Variants in ADAM22 observed in about 807,000 individuals in gnomAD.
ADAM22 encodes the protein disintegrin and metalloproteinase domain-containing protein 22.
In ADAM22, 65 loss-of-function variants were observed where a neutral mutation model predicts 144.6. The observed-to-expected ratio is 0.45, with a 90% CI of 0.37 to 0.55. The LOEUF is 0.55. ADAM22 is among the 20% of genes least tolerant of loss of function. The probability of loss-of-function intolerance (pLI) is 0.00; values close to 1 mark genes in which losing one functional copy is unlikely to be tolerated. For missense variants in ADAM22, 974 were observed against 1,184.9 expected, an observed-to-expected ratio of 0.82 and a Z score of 2.61; for synonymous variants, 391 against 412.6, an observed-to-expected ratio of 0.95 and a Z score of 0.63.
chr7:88,195,341 A>C (rs1355787965), intron 31 of ADAM22, among the ~76,000 whole-genome samples: 1 of 152,116 alleles, frequency 6.6e-6, no homozygotes, highest in Non-Finnish European at 1.5e-5. Flanking sequence ...TTAGTCCATT[A>C]AGGTGATTGC....
At chr7:88,139,238 C>T (rs760106875) in intron 14 of ADAM22, among the ~76,000 whole-genome samples, 11 of 151,742 alleles carry the variant, frequency 7.2e-5, no homozygotes, top group Admixed American at 1.3e-4. Context: ...GCCAACATGG[C>T]GAAACCCCGT....
At chr7:88,039,498 G>A (rs1421786619) in intron 3 of ADAM22, among the ~76,000 whole-genome samples, 1 of 130,834 alleles carries the variant, frequency 7.6e-6, no homozygotes, top group Admixed American at 8.3e-5. Flanking sequence ...TTTCATGTAC[G>A]GTGGCTATAA....
chr7:88,151,263 T>C lies in ADAM22; in HGVS notation c.1624T>C (p.Cys542Arg), dbSNP rs775366535. 1 of 1,614,146 alleles carries C rather than the reference T, an allele frequency of 6.2e-7. No homozygotes were observed. Among genetic ancestry groups the C allele is most frequent in the South Asian group, 1.1e-5 (1 of 91,084 alleles). ...GYSCDGVQGI[C>R]FGGRCKTRDR... ...ATTTGCTTTTCCGTTTTAGGGAATT[T>C]GCTTTGGAGGAAGATGCAAAACCAG... The change falls in exon 20 of 32, where the codon TGC becomes CGC. Residue 542 changes from cysteine to arginine, a missense_variant. Around this residue, in one of 2 missense-constraint regions of ADAM22, gnomAD observed 734 missense variants for 950.6 expected, o/e 0.77. Transcript: ENST00000413139.
intron 3 of ADAM22, among the ~76,000 whole-genome samples, chr7:88,046,365 C>T (rs1804695163): frequency 6.6e-6 from 1 of 152,066 alleles, no homozygotes; most frequent in Admixed American, 6.6e-5. Flanking sequence ...ATTTGTATAT[C>T]TTCTTTGTAA....
intron 2 of ADAM22, among the ~76,000 whole-genome samples, chr7:87,967,807 C>CAATAA: frequency 1.6e-5 from 1 of 60,952 alleles, no homozygotes; most frequent in East Asian, 5.6e-4. Flanking sequence ...GACTCTGTCT[C>CAATAA]AAAAAAAAAA....
intron 3 of ADAM22, among the ~76,000 whole-genome samples, chr7:87,982,066 T>C (rs868135719): frequency 0.2 from 16,812 of 85,142 alleles, 1,284 homozygotes; most frequent in Middle Eastern, 0.25. Flanking sequence ...TATATATATA[T>C]ATACACACAC....
chr7:88,177,044 C>A (rs1217265415), intron 26 of ADAM22, among the ~76,000 whole-genome samples: 7 of 152,036 alleles, frequency 4.6e-5, no homozygotes, highest in Non-Finnish European at 8.8e-5. Flanking sequence ...GGATTACAGG[C>A]GTGAGCCACC....
chr7:88,162,709 AC>A (rs1246045806), intron 22 of ADAM22, among the ~76,000 whole-genome samples: 1 of 152,136 alleles, frequency 6.6e-6, no homozygotes, highest in Non-Finnish European at 1.5e-5. Flanking sequence ...CAAATTACAT[AC>A]TAGTAATAAT....
chr7:87,977,660 G>C (rs1246295006), intron 2 of ADAM22, among the ~76,000 whole-genome samples: 3 of 152,060 alleles, frequency 2.0e-5, no homozygotes, highest in Non-Finnish European at 4.4e-5. Flanking sequence ...TAGTGCTATG[G>C]GAAACACTAT....
intron 3 of ADAM22, among the ~76,000 whole-genome samples, chr7:88,061,379 G>C (rs1258277374): frequency 1.3e-5 from 2 of 152,074 alleles, no homozygotes; most frequent in Non-Finnish European, 2.9e-5. Context: ...ACTTTGCCCA[G>C]ATCCATCAGA....
chr7:88,103,514 ATT>A, intron 4 of ADAM22, among the ~76,000 whole-genome samples: 1 of 152,092 alleles, frequency 6.6e-6, no homozygotes, highest in South Asian at 2.1e-4. Context: ...ATAGAGGTAG[ATT>A]TTTTTTAGCT....
intron 2 of ADAM22, among the ~76,000 whole-genome samples, chr7:87,977,148 G>A (rs571675011): frequency 1.3e-5 from 2 of 152,180 alleles, no homozygotes; most frequent in Admixed American, 1.3e-4. Flanking sequence ...GAATGTGTTA[G>A]CAACAGAAGT....
chr7:87,979,097 G>A (rs1450275772), intron 3 of ADAM22, among the ~76,000 whole-genome samples: 2 of 152,128 alleles, frequency 1.3e-5, no homozygotes, highest in Non-Finnish European at 2.9e-5. Flanking sequence ...AGAGACCAGG[G>A]TTCTGCCAGG....
intron 3 of ADAM22, among the ~76,000 whole-genome samples, chr7:88,057,830 T>G (rs1328633524): frequency 1.3e-5 from 2 of 152,206 alleles, no homozygotes; most frequent in Admixed American, 1.3e-4. Flanking sequence ...TTTTAAGGAC[T>G]TACTGCTGGA....
At chr7:88,191,135 T>C (rs185740133) in intron 30 of ADAM22, among the ~76,000 whole-genome samples, 3 of 152,370 alleles carry the variant, frequency 2.0e-5, no homozygotes, top group African/African-American at 7.2e-5. Context: ...AGAAGTAGTA[T>C]ATGTGCAATT....
chr7:87,981,444 C>T (rs1015061537), intron 3 of ADAM22, among the ~76,000 whole-genome samples: 2 of 152,014 alleles, frequency 1.3e-5, no homozygotes, highest in African/African-American at 2.4e-5. Flanking sequence ...CTTCTTTTCC[C>T]CCAGTTTTAC....
chr7:88,031,594 A>G (rs1198563405), intron 3 of ADAM22, among the ~76,000 whole-genome samples: 1 of 152,250 alleles, frequency 6.6e-6, no homozygotes, highest in South Asian at 2.1e-4. Context: ...GTAGCAAAGC[A>G]TTCAAGATGT....
chr7:88,086,736 G>T (rs1006729318), intron 4 of ADAM22, among the ~76,000 whole-genome samples: 1 of 152,174 alleles, frequency 6.6e-6, no homozygotes, highest in African/African-American at 2.4e-5. Flanking sequence ...CATCGTTCTG[G>T]ATTCATAAGA....
rs185310237 is a variant in ADAM22, at chr7:87,946,497, T to G, written c.246+11311T>G. On this transcript the variant is annotated intron_variant, in intron 2 of 31. Transcript: ENST00000413139. The stretch of plus-strand genomic sequence containing the variant: ...TCTAGGTATTCTTCTAAGATTCTTA[T>G]AGTTTGAAGCATCTTGAGTTAATTT... 1.4e-4 allele frequency among the ~76,000 whole-genome samples: 22 copies of G among 152,306 alleles called. No homozygotes were observed. In the East Asian group the frequency reaches 3.9e-3, roughly 27 times the overall value.
Sources: allele counts gnomAD v4.1 joint callset (sites outside exome capture counted in the v4.1 genomes callset), GRCh38; gene constraint gnomAD v4.1.1; regional missense constraint gnomAD v4.1.1; transcripts MANE v1.5; gene names NCBI Gene and HGNC (gene_info 2026-07-23, HGNC 2026-07-21).